Variants in PTPRD observed in about 807,000 individuals in gnomAD.
PTPRD encodes receptor-type tyrosine-protein phosphatase delta.
A neutral mutation model predicts 214.5 loss-of-function variants in PTPRD; 34 were observed. The ratio of observed to expected loss-of-function variants is 0.16; its 90% CI spans 0.12 to 0.21. The LOEUF (loss-of-function observed/expected upper bound fraction) is 0.21, where lower values mean the gene tolerates loss of function less well. PTPRD is among the 10% of genes least tolerant of loss of function. PTPRD has a pLI of 1.00. For missense variants in PTPRD, 2,545 were observed against 2,398.7 expected, an observed-to-expected ratio of 1.06 and a Z score of -1.27; for synonymous variants, 1,128 against 845.7, an observed-to-expected ratio of 1.33 and a Z score of -5.79.
chr9:9,932,237 G>C (rs1357142947), intron 5 of PTPRD, among the ~76,000 whole-genome samples: 1 of 151,214 alleles, frequency 6.6e-6, no homozygotes, highest in Non-Finnish European at 1.5e-5. Context: ...GAATAACTTT[G>C]ACGAGCTGAG....
chr9:9,231,542 C>T (rs538130290), intron 9 of PTPRD, among the ~76,000 whole-genome samples: 189 of 152,054 alleles, frequency 1.2e-3, no homozygotes, highest in African/African-American at 4.0e-3. Flanking sequence ...TAAATGCTAC[C>T]CAGCATTTTT....
intron 11 of PTPRD, among the ~76,000 whole-genome samples, chr9:8,900,125 C>T (rs943597307): frequency 7.9e-5 from 12 of 152,064 alleles, no homozygotes; most frequent in African/African-American, 2.2e-4. Context: ...AGGCCGTGAG[C>T]GGACTTATAT....
At chr9:10,296,415 A>C (rs2095675215) in intron 3 of PTPRD, among the ~76,000 whole-genome samples, 1 of 152,034 alleles carries the variant, frequency 6.6e-6, no homozygotes, top group South Asian at 2.1e-4. Context: ...GACTCACCAG[A>C]TCACTCACTT....
intron 9 of PTPRD, among the ~76,000 whole-genome samples, chr9:9,330,729 T>C (rs1337624128): frequency 6.6e-6 from 1 of 151,870 alleles, no homozygotes; most frequent in Non-Finnish European, 1.5e-5. Context: ...TATTGATTTG[T>C]AGAGAGAAAA....
chr9:8,901,630 C>G (rs560405986), intron 11 of PTPRD, among the ~76,000 whole-genome samples: 1 of 152,280 alleles, frequency 6.6e-6, no homozygotes, highest in East Asian at 1.9e-4. Context: ...TCCTGATTGC[C>G]AGCACTTAGC....
At chr9:8,500,558 G>GGAAAAAAAAAAAAAAAAAAAAAAAAAAA (rs2097373754) in intron 24 of PTPRD, among the ~76,000 whole-genome samples, 196 bp downstream of exon 24, 11 of 14,316 alleles carry the variant, frequency 7.7e-4, no homozygotes, top group South Asian at 4.1e-3. Context: ...TGAAAAAAAT[G>GGAAAAAAAAAAAAAAAAAAAAAAAAAAA]AAAAAAAAAA....
chr9:8,983,636 G>T (rs192276326), intron 11 of PTPRD, among the ~76,000 whole-genome samples: 2 of 151,940 alleles, frequency 1.3e-5, no homozygotes, highest in Non-Finnish European at 2.9e-5. Context: ...AGCCTCCAGG[G>T]AAGCTAGGAC....
chr9:9,719,819 G>A (rs933469851), intron 7 of PTPRD, among the ~76,000 whole-genome samples: 6 of 152,166 alleles, frequency 3.9e-5, no homozygotes, highest in African/African-American at 1.2e-4. Context: ...CCCCTCATCC[G>A]GACATTGGTC....
In PTPRD at chr9:10,116,067, A is replaced by G. The variant is rs79089624; in HGVS notation, c.-544-82277T>C. 7.5e-3 allele frequency among the ~76,000 whole-genome samples: 1,147 copies of G among 152,212 alleles called. 12 individuals are homozygous for G. Among genetic ancestry groups the G allele is most frequent in the African/African-American group, 0.021 (852 of 41,558 alleles). ...AAAATCTGCCTGTCTTCATGTTTGT[A>G]TTTATAATTATATCAGGCTTAACAA... On this transcript the variant is annotated intron_variant, in intron 3 of 45. Transcript: ENST00000381196.
chr9:8,952,680 C>G (rs991409688), intron 11 of PTPRD, among the ~76,000 whole-genome samples: 1 of 151,402 alleles, frequency 6.6e-6, no homozygotes, highest in African/African-American at 2.4e-5. Context: ...GGTATCTTTA[C>G]AGGAAGAAAA....
intron 2 of PTPRD, among the ~76,000 whole-genome samples, chr9:10,426,948 GA>G (rs1175831720): frequency 6.6e-6 from 1 of 151,954 alleles, no homozygotes; most frequent in African/African-American, 2.4e-5. Context: ...AGAAAACAAA[GA>G]TGACAAAGAG....
At chr9:9,056,596 G>C (rs1175607280) in intron 10 of PTPRD, among the ~76,000 whole-genome samples, 1 of 152,194 alleles carries the variant, frequency 6.6e-6, no homozygotes, top group Non-Finnish European at 1.5e-5. Flanking sequence ...AATCTCATAA[G>C]AAAAGAGTGG....
intron 10 of PTPRD, among the ~76,000 whole-genome samples, chr9:9,102,942 C>G (rs929155684): frequency 6.6e-6 from 1 of 152,106 alleles, no homozygotes; most frequent in Non-Finnish European, 1.5e-5. Flanking sequence ...AAATAGAAAA[C>G]TAAAGCAGGT....
At chr9:9,059,525 A>G (rs1367767531) in intron 10 of PTPRD, among the ~76,000 whole-genome samples, 1 of 152,202 alleles carries the variant, frequency 6.6e-6, no homozygotes, top group East Asian at 1.9e-4. Context: ...ACAGTTAGAA[A>G]CAGAAGAAAA....
At chr9:8,635,518 A>T (rs2096402348) in intron 13 of PTPRD, among the ~76,000 whole-genome samples, 1 of 152,096 alleles carries the variant, frequency 6.6e-6, no homozygotes, top group Non-Finnish European at 1.5e-5. Context: ...ACTACAACCC[A>T]ATTTCCAATG....
At chr9:10,295,472 T>A (rs1020046650) in intron 3 of PTPRD, among the ~76,000 whole-genome samples, 3 of 152,060 alleles carry the variant, frequency 2.0e-5, no homozygotes, top group African/African-American at 7.2e-5. Flanking sequence ...ACAACAAAAC[T>A]AAATCAGTCC....
intron 5 of PTPRD, among the ~76,000 whole-genome samples, chr9:9,786,138 C>T (rs1003879975): frequency 6.6e-6 from 1 of 152,050 alleles, no homozygotes; most frequent in African/African-American, 2.4e-5. Context: ...TTTTTCATGT[C>T]TATTAGAGTA....
At chr9:10,500,943 T>C (rs2043493903) in intron 2 of PTPRD, among the ~76,000 whole-genome samples, 1 of 151,906 alleles carries the variant, frequency 6.6e-6, no homozygotes, top group Admixed American at 6.6e-5. Flanking sequence ...CATCTGCTAA[T>C]GGACACTTAG....
chr9:9,328,738 G>C (rs1358406480), intron 9 of PTPRD, among the ~76,000 whole-genome samples: 3 of 138,362 alleles, frequency 2.2e-5, no homozygotes, highest in African/African-American at 8.0e-5. Context: ...CTGGGTTCAA[G>C]AGATTCTTGC....
Sources: allele counts gnomAD v4.1 joint callset (sites outside exome capture counted in the v4.1 genomes callset), GRCh38; gene constraint gnomAD v4.1.1; transcripts MANE v1.5; gene names NCBI Gene and HGNC (gene_info 2026-07-23, HGNC 2026-07-21).